The following PRPSAP2 variants were observed in gnomAD, a reference collection of about 807,000 sequenced individuals.
PRPSAP2 encodes phosphoribosyl pyrophosphate synthase-associated protein 2.
Under a neutral mutation model 40.6 loss-of-function variants are expected in PRPSAP2, and 24 were observed. The ratio of observed to expected loss-of-function variants is 0.59; its 90% confidence interval spans 0.43 to 0.83. The LOEUF (loss-of-function observed/expected upper bound fraction) is 0.83. Among genes scored for constraint, PRPSAP2 ranks in the 40% least tolerant of loss-of-function variants. PRPSAP2 has a pLI of 0.00. For synonymous variants in PRPSAP2, 149 were observed against 164.7 expected (o/e 0.90, Z 0.73); for missense variants, 292 against 465.6 (o/e 0.63, Z 3.43).
At chr17:18,920,148 C>A (rs1420634649) in intron 9 of PRPSAP2, among the ~76,000 whole-genome samples, 1 of 152,154 alleles carries the variant, frequency 6.6e-6, no homozygotes, top group Non-Finnish European at 1.5e-5. Context: ...TGAGATGAGC[C>A]ATGCCCGGGA....
At chr17:18,919,598 C>T (rs1567747798) in intron 9 of PRPSAP2, among the ~76,000 whole-genome samples, 2 of 151,364 alleles carry the variant, frequency 1.3e-5, no homozygotes, top group Non-Finnish European at 2.9e-5. Context: ...CCCAGGAAGT[C>T]GAGGCTGCAG....
chr17:18,929,292 G>A (rs959018602), intron 11 of PRPSAP2, among the ~76,000 whole-genome samples: 7 of 151,958 alleles, frequency 4.6e-5, no homozygotes, highest in African/African-American at 1.7e-4. Context: ...AGAGGGCAGT[G>A]GCTGCAGTGA....
chr17:18,880,556 C>A (rs959150247), intron 6 of PRPSAP2, among the ~76,000 whole-genome samples: 15 of 152,008 alleles, frequency 9.9e-5, no homozygotes, highest in Admixed American at 3.9e-4. Flanking sequence ...TACAGGCATG[C>A]ATCACCATAC....
chr17:18,901,472 CGGGT>C (rs1482332693), intron 8 of PRPSAP2, among the ~76,000 whole-genome samples: 1 of 151,492 alleles, frequency 6.6e-6, no homozygotes, highest in Non-Finnish European at 1.5e-5. Context: ...CTCCGCCTCC[CGGGT>C]TCATGCCATT....
At chr17:18,895,833 C>T (rs2039879469) in intron 8 of PRPSAP2, among the ~76,000 whole-genome samples, 1 of 152,066 alleles carries the variant, frequency 6.6e-6, no homozygotes, top group Admixed American at 6.5e-5. Context: ...ACCATGTTGG[C>T]TGGGCTGGTC....
chr17:18,892,727 G>GTGTGTGTGTGTGTGTGTGTGTGTGTT (rs60288281), intron 8 of PRPSAP2, among the ~76,000 whole-genome samples: 2 of 126,704 alleles, frequency 1.6e-5, no homozygotes, highest in African/African-American at 3.0e-5. Context: ...GTGTGTGTGT[G>GTGTGTGTGTGTGTGTGTGTGTGTGTT]TATTTATTTA....
intron 1 of PRPSAP2, among the ~76,000 whole-genome samples, chr17:18,863,413 CAT>C (rs765146242): frequency 4.6e-5 from 7 of 152,060 alleles, no homozygotes; most frequent in South Asian, 2.1e-4. Context: ...CTTAAACACA[CAT>C]GTTTATTGGT....
intron 8 of PRPSAP2, among the ~76,000 whole-genome samples, chr17:18,890,213 A>G (rs1242044459): frequency 6.6e-6 from 1 of 151,684 alleles, no homozygotes; most frequent in African/African-American, 2.4e-5. Flanking sequence ...CTTGTTGCCC[A>G]AGCTGGAGTG....
intron 8 of PRPSAP2, among the ~76,000 whole-genome samples, chr17:18,910,255 A>T (rs1179252638): frequency 6.6e-6 from 1 of 152,142 alleles, no homozygotes; most frequent in Non-Finnish European, 1.5e-5. Context: ...CCCCATCTGT[A>T]CTAAAAATAC....
chr17:18,891,192 C>T (rs2039524824), intron 8 of PRPSAP2, among the ~76,000 whole-genome samples: 1 of 152,106 alleles, frequency 6.6e-6, no homozygotes. Context: ...CGTGGGCTGG[C>T]AGTATTGAAG....
intron 10 of PRPSAP2, among the ~76,000 whole-genome samples, chr17:18,924,470 TAAAATTGCTCAC>T (rs895723109): frequency 6.6e-6 from 1 of 152,198 alleles, no homozygotes; most frequent in Admixed American, 6.5e-5. Context: ...TTGTTTATTT[TAAAATTGCTCAC>T]TACTGGCTGG....
chr17:18,897,453 G>GTGTTGTTGTTGTTGTTGTTGT lies in PRPSAP2; in HGVS notation c.584+7581_584+7601dup, dbSNP rs11271940. Among the ~76,000 whole-genome samples, 1,043 of 150,594 alleles carry GTGTTGTTGTTGTTGTTGTTGT rather than the reference G, an allele frequency of 6.9e-3. 15 individuals carry two copies. Among genetic ancestry groups the GTGTTGTTGTTGTTGTTGTTGT allele is most frequent in the African/African-American group, 0.024 (991 of 40,904 alleles). On this transcript the variant is annotated intron_variant, in intron 8 of 11. Coordinates refer to ENST00000268835, the MANE Select transcript of PRPSAP2 (RefSeq NM_002767.4). ...TCTAGAGTGGTGCTTCTCTATAGTG[G>GTGTTGTTGTTGTTGTTGTTGT]TGTTGTTGTTGTTGTTGTTGTTGTT...
chr17:18,862,339 C>A (rs2037085942), intron 1 of PRPSAP2, among the ~76,000 whole-genome samples: 1 of 152,152 alleles, frequency 6.6e-6, no homozygotes, highest in Non-Finnish European at 1.5e-5. Context: ...ATGGGCTGAA[C>A]TACCTCTAAG....
chr17:18,871,226 G>T (rs2037839770), intron 4 of PRPSAP2, among the ~76,000 whole-genome samples: 1 of 151,846 alleles, frequency 6.6e-6, no homozygotes. Flanking sequence ...CACCATGTTG[G>T]CCAGGCTAGC....
intron 6 of PRPSAP2, among the ~76,000 whole-genome samples, 196 bp from the exon 7 acceptor site, chr17:18,882,372 G>C (rs917920242): frequency 1.3e-5 from 2 of 151,714 alleles, no homozygotes; most frequent in African/African-American, 4.8e-5. Context: ...TTATCTGGGC[G>C]TGGTGGCATG....
At chr17:18,875,433 T>C (rs2151899303) in intron 5 of PRPSAP2, among the ~76,000 whole-genome samples, 1 of 151,772 alleles carries the variant, frequency 6.6e-6, no homozygotes, top group African/African-American at 2.4e-5. Flanking sequence ...GGCATGGTCA[T>C]GAGCGCCTGT....
chr17:18,862,887 C>A (rs1452571655), intron 1 of PRPSAP2, among the ~76,000 whole-genome samples: 1 of 151,470 alleles, frequency 6.6e-6, no homozygotes, highest in Non-Finnish European at 1.5e-5. Flanking sequence ...GTGGCATGAT[C>A]TCAGCTCACT....
intron 9 of PRPSAP2, among the ~76,000 whole-genome samples, chr17:18,915,914 G>C (rs964865178): frequency 6.6e-6 from 1 of 151,824 alleles, no homozygotes; most frequent in African/African-American, 2.4e-5. Flanking sequence ...CCACCTCCTG[G>C]GTTCAAGCAG....
chr17:18,883,478 C>T (rs936791940), intron 7 of PRPSAP2, among the ~76,000 whole-genome samples: 22 of 150,354 alleles, frequency 1.5e-4, no homozygotes, highest in Admixed American at 1.1e-3. Flanking sequence ...TCTCAGCCCA[C>T]TGAAACCTCC....
Sources: gnomAD v4.1 joint callset for allele counts (sites outside exome capture counted in the v4.1 genomes callset) on GRCh38, gnomAD v4.1.1 for gene constraint, MANE v1.5 for transcripts, NCBI Gene and HGNC (gene_info 2026-07-23, HGNC 2026-07-21) for gene names.